The following CHL1 variants were observed in gnomAD, a reference collection of about 807,000 sequenced individuals.
CHL1 encodes the protein cell adhesion molecule L1 like.
Under a neutral mutation model 141.9 loss-of-function variants are expected in CHL1, and 96 were observed. That is an observed-to-expected ratio of 0.68 (90% CI 0.57 to 0.80). The LOEUF is 0.80. CHL1 is among the 30% of genes least tolerant of loss of function. The pLI is 0.00. For synonymous variants in CHL1, 613 were observed against 502.2 expected, an observed-to-expected ratio of 1.22 and a Z score of -2.95; for missense variants, 1,820 against 1,457.2, an observed-to-expected ratio of 1.25 and a Z score of -4.05.
chr3:237,519 T>C (rs1046765592), intron 1 of CHL1, among the ~76,000 whole-genome samples: 5 of 152,228 alleles, frequency 3.3e-5, no homozygotes, highest in African/African-American at 1.2e-4. Context: ...CAGTATGGAG[T>C]CCTTTTCTCA....
chr3:392,341 G>A (rs910607714), intron 23 of CHL1, among the ~76,000 whole-genome samples: 16 of 152,198 alleles, frequency 1.1e-4, no homozygotes, highest in African/African-American at 3.9e-4. Flanking sequence ...ATATGCTTGT[G>A]TTTATCCAAT....
chr3:359,909 A>T (rs1575158516), intron 11 of CHL1, among the ~76,000 whole-genome samples: 1 of 152,178 alleles, frequency 6.6e-6, no homozygotes, highest in Non-Finnish European at 1.5e-5. Context: ...TGTGTTGACC[A>T]TGTGACTTGT....
chr3:309,372 TTTCCTTCCTTCC>T (rs201147234), intron 2 of CHL1: 2 of 131,970 alleles, frequency 1.5e-5, no homozygotes, highest in Non-Finnish European at 3.1e-5. Context: ...TTTCTTTTTC[TTTCCTTCCTTCC>T]TTCCTTCCTC....
At chr3:226,238 T>G (rs1701332421) in intron 1 of CHL1, among the ~76,000 whole-genome samples, 1 of 150,074 alleles carries the variant, frequency 6.7e-6, no homozygotes, top group Admixed American at 6.6e-5. Flanking sequence ...GCCACGCTAA[T>G]GTTGAGCTCC....
At chr3:227,705 G>A (rs773702779) in intron 1 of CHL1, among the ~76,000 whole-genome samples, 2 of 152,154 alleles carry the variant, frequency 1.3e-5, no homozygotes, top group Non-Finnish European at 2.9e-5. Flanking sequence ...ATCGTTCTTT[G>A]TACTCTACGT....
chr3:238,887 C>T (rs1028810850), intron 1 of CHL1, among the ~76,000 whole-genome samples: 6 of 152,016 alleles, frequency 3.9e-5, no homozygotes, highest in Non-Finnish European at 7.4e-5. Context: ...GAGCCAAAAT[C>T]GCGCCATTGC....
At chr3:250,592 ATG>A (rs369175713) in intron 2 of CHL1, among the ~76,000 whole-genome samples, 28 of 152,206 alleles carry the variant, frequency 1.8e-4, no homozygotes, top group African/African-American at 6.3e-4. Flanking sequence ...AAGGAAGTGT[ATG>A]TCCTCCTTTT....
intron 1 of CHL1, among the ~76,000 whole-genome samples, chr3:208,068 G>C (rs1247101458): frequency 1.3e-5 from 2 of 152,138 alleles, no homozygotes; most frequent in African/African-American, 4.8e-5. Context: ...ATCAGAAATT[G>C]ATCTCCATAC....
At position 255,032 on chromosome 3, in the gene CHL1, C is replaced by CAATT. The variant is rs528127108; in HGVS notation, c.-95+10341_-95+10344dup. On this transcript the variant is annotated intron_variant, in intron 2 of 27. Coordinates refer to ENST00000256509, the MANE Select transcript of CHL1 (RefSeq NM_006614.4). ...ATTTGCCTATCTCCATCTCTAGCTA[C>CAATT]AATTGTTCTGAATTTTGGGGCCCGT... Among the ~76,000 whole-genome samples the CAATT allele has an allele frequency of 3.8e-3, 582 of 152,286 alleles. 4 individuals are homozygous for CAATT. The highest frequency in any genetic ancestry group is 0.013 in the African/African-American group (550 of 41,558).
chr3:360,915 A>C (rs1401351216), intron 12 of CHL1, among the ~76,000 whole-genome samples: 3 of 151,310 alleles, frequency 2.0e-5, no homozygotes, highest in Admixed American at 2.0e-4. Flanking sequence ...TACAAAGGAC[A>C]TGAACTCATC....
chr3:217,192 A>G (rs1414411375), intron 1 of CHL1, among the ~76,000 whole-genome samples: 1 of 152,076 alleles, frequency 6.6e-6, no homozygotes, highest in Non-Finnish European at 1.5e-5. Flanking sequence ...AAAAAAAATT[A>G]CCCATGGGGT....
At chr3:328,019 C>A in intron 4 of CHL1, 148 bp from the exon 5 acceptor site, 1 of 447,730 alleles carries the variant, frequency 2.2e-6, no homozygotes, top group Non-Finnish European at 3.9e-6. Flanking sequence ...TCTTCTGAGA[C>A]CCTTATTTAT....
At chr3:305,374 A>G (rs1699132592) in intron 2 of CHL1, among the ~76,000 whole-genome samples, 1 of 152,114 alleles carries the variant, frequency 6.6e-6, no homozygotes, top group Non-Finnish European at 1.5e-5. Flanking sequence ...TTAAAAATAT[A>G]ATATATATCC....
chr3:398,433 T>TA (rs1708858165), intron 25 of CHL1, 48 bp downstream of exon 25: 1 of 1,239,762 alleles, frequency 8.1e-7, no homozygotes, highest in Non-Finnish European at 1.2e-6. Flanking sequence ...ATCTATGTCC[T>TA]GTAGAATACT....
At chr3:268,905 T>G (rs1695396103) in intron 2 of CHL1, among the ~76,000 whole-genome samples, 1 of 152,186 alleles carries the variant, frequency 6.6e-6, no homozygotes, top group African/African-American at 2.4e-5. Context: ...GATGGCAAAA[T>G]ATTGGCTTTG....
At chr3:402,235 A>T (rs4234559) in intron 27 of CHL1, among the ~76,000 whole-genome samples, 140,641 of 152,258 alleles carry the variant, frequency 0.92, 66,036 homozygotes, top group East Asian at 1. Flanking sequence ...ATCATCCATA[A>T]GAGATAAGCT....
At position 319,704 on chromosome 3, in the gene CHL1, C is replaced by G. The variant is rs977053786; in HGVS notation, c.-73C>G. On this transcript the variant is annotated 5_prime_UTR_variant, in exon 3 of 28. Coordinates refer to ENST00000256509, the MANE Select transcript of CHL1 (RefSeq NM_006614.4). ...TTAGTTTCCAGGTTAACTAAGGTCT[C>G]AGCTGTAAACCAAAAGTGAGAGGAG... 1.1e-6 allele frequency: 1 copy of G among 909,794 alleles called. No homozygotes were observed. Among genetic ancestry groups the G allele is most frequent in the Non-Finnish European group, 1.8e-6 (1 of 567,412 alleles). 56.4% of individuals were successfully genotyped at this position (909,794 alleles called of 1,614,324 possible). A position where few individuals can be genotyped will look rare whatever the true frequency, so the allele number is the denominator to read the frequency against.
chr3:341,509 T>C (rs1051472420), intron 6 of CHL1, among the ~76,000 whole-genome samples: 1 of 152,194 alleles, frequency 6.6e-6, no homozygotes, highest in South Asian at 2.1e-4. Flanking sequence ...GGAGAGCTTT[T>C]TGTTTTTTCT....
At chr3:381,464 G>T (rs924094673) in intron 16 of CHL1, among the ~76,000 whole-genome samples, 1 of 152,188 alleles carries the variant, frequency 6.6e-6, no homozygotes, top group Non-Finnish European at 1.5e-5. Context: ...CCAGTGGCTT[G>T]CAGGTGAAGG....
Sources: allele counts gnomAD v4.1 joint callset (sites outside exome capture counted in the v4.1 genomes callset), GRCh38; gene constraint gnomAD v4.1.1; transcripts MANE v1.5; gene names NCBI Gene and HGNC (gene_info 2026-07-23, HGNC 2026-07-21).